The following CFAP44 variants were observed in gnomAD, a reference collection of about 807,000 sequenced individuals.
CFAP44 encodes the protein cilia and flagella associated protein 44.
Under a neutral mutation model 216.2 loss-of-function variants are expected in CFAP44, and 134 were observed. That is an observed-to-expected ratio of 0.62 (90% CI 0.54 to 0.72). The LOEUF (loss-of-function observed/expected upper bound fraction) is 0.72, where lower values mean the gene tolerates loss of function less well. Among genes scored for constraint, CFAP44 ranks in the 30% least tolerant of loss-of-function variants. The probability of loss-of-function intolerance (pLI) is 0.00; values close to 1 mark genes in which losing one functional copy is unlikely to be tolerated. For missense variants in CFAP44, 2,035 were observed against 2,182.1 expected, an observed-to-expected ratio of 0.93 and a Z score of 1.34; for synonymous variants, 700 against 727.6, an observed-to-expected ratio of 0.96 and a Z score of 0.61.
intron 34 of CFAP44, 92 bp from the exon 35 acceptor site, chr3:113,291,840 CTGA>C: frequency 5.1e-6 from 7 of 1,363,766 alleles, no homozygotes; most frequent in Non-Finnish European, 5.9e-6. Flanking sequence ...GAGTGCTGGC[CTGA>C]CAGTCACCCT....
At chr3:113,399,174 A>G (rs777460152) in intron 13 of CFAP44, among the ~76,000 whole-genome samples, 3 of 152,192 alleles carry the variant, frequency 2.0e-5, no homozygotes, top group African/African-American at 4.8e-5. Context: ...CCCAGGTGAC[A>G]GCCTTGTGAT....
At chr3:113,374,531 T>C (rs1428615153) in intron 17 of CFAP44, among the ~76,000 whole-genome samples, 1 of 152,132 alleles carries the variant, frequency 6.6e-6, no homozygotes, top group African/African-American at 2.4e-5. Context: ...GAAATAATCA[T>C]TTCCAGGGTT....
At position 113,361,856 on chromosome 3, in the gene CFAP44, A is replaced by G. The variant is rs181038134; in HGVS notation, c.2934+1289T>C. Among the ~76,000 whole-genome samples the G allele has an allele frequency of 1.1e-3, 172 of 150,922 alleles. 1 individual carries two copies. Among genetic ancestry groups the G allele is most frequent in the African/African-American group, 3.2e-3 (130 of 41,130 alleles). ...TTGAAGACCTGCTATTCTGACCACA[A>G]TTTTTTTTTACCAGAAAACAAACAC... On this transcript the variant is annotated intron_variant, in intron 21 of 34. Transcript: ENST00000393845.
chr3:113,322,684 A>G (rs1479931276), intron 28 of CFAP44, among the ~76,000 whole-genome samples: 1 of 152,228 alleles, frequency 6.6e-6, no homozygotes, highest in African/African-American at 2.4e-5. Flanking sequence ...AGATTTCTCA[A>G]AGAACTTAAA....
intron 5 of CFAP44, chr3:113,417,172 TG>T (rs1289045743): frequency 1.3e-5 from 2 of 152,214 alleles, no homozygotes; most frequent in African/African-American, 4.8e-5. Flanking sequence ...ACCTAAATTT[TG>T]TATAGAAAAA....
chr3:113,296,662 C>T, intron 33 of CFAP44, 63 bp downstream of exon 33: 1 of 1,510,292 alleles, frequency 6.6e-7, no homozygotes, highest in African/African-American at 1.4e-5. Flanking sequence ...CCACTTCCTG[C>T]TCCCTGGGAT....
intron 31 of CFAP44, 158 bp from the exon 32 acceptor site, chr3:113,304,275 CACAGAAAGATGCTGTCAG>C (rs1949964796): frequency 7.3e-6 from 5 of 686,850 alleles, no homozygotes; most frequent in African/African-American, 1.8e-5. Context: ...GCCAGGCAAA[CACAGAAAGATGCTGTCAG>C]ACAGAAAGCC....
chr3:113,399,958 G>T lies in CFAP44; in HGVS notation c.1517C>A (p.Ala506Asp), dbSNP rs1478190368. ...ACCTCCTTGTTTGAATTTCATCTGG[G>T]CCAAAGGAGTTTTGCTAGCAAAATC... ...IYDFASKTPL[A>D]QMKFKQGGTA... is the part of the protein sequence containing the mutation. Residue 506 changes from alanine to aspartate, a missense_variant, in exon 13 of 35, where the codon GCC becomes GAC. Transcript: ENST00000393845. 1 of 1,602,242 alleles carries T rather than the reference G, an allele frequency of 6.2e-7. No homozygotes were observed. Among genetic ancestry groups the T allele is most frequent in the Admixed American group, 1.7e-5 (1 of 58,172 alleles).
rs72395986 is a variant in CFAP44, at chr3:113,423,105, CTTTTTTTTT to C, written c.408-2935_408-2927del. 8.3e-4 allele frequency among the ~76,000 whole-genome samples: 66 copies of C among 79,154 alleles called. 1 individual carries two copies. Among genetic ancestry groups the C allele is most frequent in the South Asian group, 1.6e-3 (3 of 1,820 alleles). 51.9% of individuals were successfully genotyped at this position (79,154 alleles called of 152,430 possible). ...GTGCATAACTGGAATCTGATCCTTCCTTTTTTTTTTTTTTTTTTTTTTTTTGTGAGATGG... is the reference window on the plus strand; with the variant it reads ...GTGCATAACTGGAATCTGATCCTTCCTTTTTTTTTTTTTTTTGTGAGATGG... On this transcript the variant is annotated intron_variant, in intron 4 of 34. Coordinates refer to ENST00000393845, the MANE Select transcript of CFAP44 (RefSeq NM_001164496.2).
chr3:113,295,461 A>G lies in CFAP44; in HGVS notation c.5239-640T>C, dbSNP rs554557435. Among the ~76,000 whole-genome samples the G allele has an allele frequency of 2.0e-5, 3 of 152,340 alleles. No homozygotes were observed. In the South Asian group the frequency reaches 6.2e-4, roughly 32 times the overall value. On this transcript the variant is annotated intron_variant, in intron 33 of 34. Coordinates refer to ENST00000393845, the MANE Select transcript of CFAP44 (RefSeq NM_001164496.2). ...CATATATTATCGCCAACATTCCCTT[A>G]ATAGGGACCAGTCCCACTGACATGA...
rs1294633697 is a variant in CFAP44, at chr3:113,400,544, C to A, written c.1474+1G>T. The A allele has an allele frequency of 6.4e-7, 1 of 1,566,490 alleles. No individual in the cohort carries two copies. Among genetic ancestry groups the A allele is most frequent in the Non-Finnish European group, 8.6e-7 (1 of 1,160,028 alleles). ...TATTTTTATTAAGAGTTCCTACTTA[C>A]AGTCCAAGGCAGTTGTGGCCATGAG... is the stretch of plus-strand genomic sequence containing the variant. On this transcript the variant is annotated splice_donor_variant, in intron 12 of 34. Transcript: ENST00000393845. LOFTEE classifies it high-confidence loss of function.
chr3:113,419,979 G>GT (rs773719081), intron 5 of CFAP44, 38 bp downstream of exon 5: 58 of 1,600,768 alleles, frequency 3.6e-5, no homozygotes, highest in Non-Finnish European at 4.6e-5. Context: ...AAAAGATAGG[G>GT]TTTTTTGGGG....
At chr3:113,389,715 T>C (rs1436044157) in intron 15 of CFAP44, among the ~76,000 whole-genome samples, 1 of 152,104 alleles carries the variant, frequency 6.6e-6, no homozygotes, top group East Asian at 1.9e-4. Flanking sequence ...CAGTAGAGGC[T>C]ACTATGAGCA....
intron 19 of CFAP44, 145 bp downstream of exon 19, chr3:113,365,894 G>A (rs1292687157): frequency 4.5e-6 from 4 of 880,854 alleles, no homozygotes; most frequent in African/African-American, 1.7e-5. Flanking sequence ...GCACCAGAAA[G>A]TCAAATTATA....
chr3:113,424,732 G>A (rs1478233782), intron 4 of CFAP44, among the ~76,000 whole-genome samples: 1 of 152,134 alleles, frequency 6.6e-6, no homozygotes, highest in African/African-American at 2.4e-5. Flanking sequence ...TGTTGAAAAT[G>A]TTTAAGAAAA....
At chr3:113,381,365 T>G (rs977352138) in intron 15 of CFAP44, among the ~76,000 whole-genome samples, 9 of 152,182 alleles carry the variant, frequency 5.9e-5, no homozygotes, top group Non-Finnish European at 1.3e-4. Flanking sequence ...GATTTTCTGA[T>G]GAATATATGT....
At chr3:113,292,643 A>T (rs760677084) in intron 34 of CFAP44, among the ~76,000 whole-genome samples, 1 of 152,208 alleles carries the variant, frequency 6.6e-6, no homozygotes, top group Non-Finnish European at 1.5e-5. Flanking sequence ...AGACTCAGGG[A>T]GTCATTAACT....
Position 113,409,205 on chromosome 3 carries a change from G to A in CFAP44, c.791C>T (p.Pro264Leu), listed in dbSNP as rs1934382656. Residue 264 changes from proline to leucine, a missense_variant, in exon 7 of 35, where the codon CCC (proline) becomes CTC (leucine). Physicochemically the swap from Pro to Leu is moderately conservative, Grantham distance 98. Coordinates refer to ENST00000393845, the MANE Select transcript of CFAP44 (RefSeq NM_001164496.2). ...AGAAAAAGCTTTTGTCCTTAGTATG[G>A]GTTGTTCTTCTTTCCAGTTCCAGAT... ...LTIWNWKEEQPILRTKAFSQE... is the reference protein window; with the variant it reads ...LTIWNWKEEQLILRTKAFSQE... 2 of 1,614,030 alleles carry A rather than the reference G, an allele frequency of 1.2e-6. No homozygotes were observed. The highest frequency in any genetic ancestry group is 1.6e-4 in the Middle Eastern group (1 of 6,062).
At chr3:113,372,841 G>A (rs115445838) in intron 18 of CFAP44, among the ~76,000 whole-genome samples, 6,281 of 152,196 alleles carry the variant, frequency 0.041, 426 homozygotes, top group African/African-American at 0.14. Flanking sequence ...TAAGGAGACA[G>A]GCCTCAGGAG....
Sources: allele counts gnomAD v4.1 joint callset (sites outside exome capture counted in the v4.1 genomes callset), GRCh38; gene constraint gnomAD v4.1.1; transcripts MANE v1.5; gene names NCBI Gene and HGNC (gene_info 2026-07-23, HGNC 2026-07-21).